Variants in CMAS observed in about 807,000 individuals in gnomAD.
The protein encoded by CMAS is cytidine monophosphate N-acetylneuraminic acid synthetase.
Under a neutral mutation model 53.4 loss-of-function variants are expected in CMAS, and 21 were observed. The ratio of observed to expected loss-of-function variants is 0.39; its 90% CI spans 0.28 to 0.57. The LOEUF (loss-of-function observed/expected upper bound fraction) is 0.57. CMAS is among the 20% of genes least tolerant of loss of function. The pLI is 0.56. For synonymous variants in CMAS, 189 were observed against 195.2 expected (o/e 0.97, Z 0.27); for missense variants, 384 against 534.9 (o/e 0.72, Z 2.78).
chr12:22,058,325 T>TGAGGCAGGAGAATCGCTTG (rs1164734314), intron 3 of CMAS, among the ~76,000 whole-genome samples: 1 of 150,934 alleles, frequency 6.6e-6, no homozygotes, highest in Non-Finnish European at 1.5e-5. Context: ...CTTGGGAGGC[T>TGAGGCAGGAGAATCGCTTG]GAGGCAGGAG....
chr12:22,050,155 G>A (rs1474537221), intron 1 of CMAS, among the ~76,000 whole-genome samples: 5 of 152,176 alleles, frequency 3.3e-5, no homozygotes, highest in East Asian at 1.9e-4. Context: ...ACATAGCTAC[G>A]TCGTTTGTAC....
chr12:22,057,464 T>G (rs1002911549), intron 3 of CMAS, among the ~76,000 whole-genome samples: 61 of 152,176 alleles, frequency 4.0e-4, no homozygotes, highest in African/African-American at 1.4e-3. Context: ...GTATAATATG[T>G]TACATAAACA....
At chr12:22,052,226 T>C (rs1950242282) in intron 1 of CMAS, among the ~76,000 whole-genome samples, 1 of 152,216 alleles carries the variant, frequency 6.6e-6, no homozygotes, top group Non-Finnish European at 1.5e-5. Context: ...ATTACACCGC[T>C]ATATTGGCCT....
chr12:22,046,920 T>G (rs1271016767), intron 1 of CMAS, among the ~76,000 whole-genome samples: 1 of 152,192 alleles, frequency 6.6e-6, no homozygotes, highest in Non-Finnish European at 1.5e-5. Context: ...TGTGATAATA[T>G]GTGAACTTCT....
intron 4 of CMAS, among the ~76,000 whole-genome samples, chr12:22,059,142 A>G (rs921899447): frequency 8.2e-6 from 1 of 121,516 alleles, no homozygotes; most frequent in Non-Finnish European, 1.6e-5. Flanking sequence ...ATATATATAT[A>G]TATATATTTT....
At chr12:22,056,829 T>A (rs1299506372) in intron 3 of CMAS, among the ~76,000 whole-genome samples, 1 of 152,200 alleles carries the variant, frequency 6.6e-6, no homozygotes, top group Non-Finnish European at 1.5e-5. Context: ...ATGCAAAGCT[T>A]GATCTTTCTT....
At chr12:22,048,398 C>G (rs1481059679) in intron 1 of CMAS, among the ~76,000 whole-genome samples, 1 of 152,084 alleles carries the variant, frequency 6.6e-6, no homozygotes, top group Non-Finnish European at 1.5e-5. Context: ...TCTCAGGGTA[C>G]CTAATGACTT....
At chr12:22,052,593 T>C (rs1216623145) in intron 1 of CMAS, among the ~76,000 whole-genome samples, 1 of 152,260 alleles carries the variant, frequency 6.6e-6, no homozygotes, top group African/African-American at 2.4e-5. Context: ...TTATTTTTTA[T>C]TGTATTCTAA....
intron 1 of CMAS, among the ~76,000 whole-genome samples, chr12:22,052,666 C>T (rs1209853738): frequency 6.6e-6 from 1 of 152,128 alleles, no homozygotes; most frequent in Non-Finnish European, 1.5e-5. Context: ...TGCTACTTTA[C>T]TTTGTTATAT....
intron 4 of CMAS, among the ~76,000 whole-genome samples, chr12:22,059,331 TA>T (rs1241498963): frequency 2.6e-5 from 4 of 151,988 alleles, no homozygotes; most frequent in Non-Finnish European, 5.9e-5. Context: ...TTATCATTAT[TA>T]TTTATTATTT....
At chr12:22,063,712 A>C (rs1360196163) in intron 7 of CMAS, 1 of 138,224 alleles carries the variant, frequency 7.2e-6, no homozygotes, top group African/African-American at 3.0e-5. Context: ...AATACGTATT[A>C]CTTATATGAC....
At chr12:22,049,336 C>G (rs1055199386) in intron 1 of CMAS, among the ~76,000 whole-genome samples, 2 of 152,194 alleles carry the variant, frequency 1.3e-5, no homozygotes, top group Non-Finnish European at 2.9e-5. Context: ...GGAATAGATT[C>G]TGTTGGTCAG....
chr12:22,058,466 G>T (rs1447808570), intron 3 of CMAS, 101 bp from the exon 4 acceptor site: 2 of 975,966 alleles, frequency 2.0e-6, no homozygotes, highest in Non-Finnish European at 3.0e-6. Flanking sequence ...ATAAAGAAAT[G>T]CTCTGCATTC....
intron 6 of CMAS, among the ~76,000 whole-genome samples, chr12:22,061,833 ATAACT>A (rs1175990091): frequency 1.3e-5 from 2 of 152,290 alleles, no homozygotes; most frequent in Non-Finnish European, 2.9e-5. Flanking sequence ...TTGATTCAAA[ATAACT>A]TAACGTTTAA....
rs112632913 is a variant in CMAS at position 22,052,604 on chromosome 12, T to G, written c.261-2545T>G. ...CTGTTTATTTTTTATTGTATTCTAATTTCATCTTATCCTCTCGTCATCTCT... is the reference window on the plus strand; with the variant it reads ...CTGTTTATTTTTTATTGTATTCTAAGTTCATCTTATCCTCTCGTCATCTCT... On this transcript the variant is annotated intron_variant, in intron 1 of 7. Coordinates refer to ENST00000229329, the MANE Select transcript of CMAS (RefSeq NM_018686.6). Among the ~76,000 whole-genome samples, 307 of 152,340 alleles carry G rather than the reference T, an allele frequency of 2.0e-3. 1 individual carries two copies. Among genetic ancestry groups the G allele is most frequent in the African/African-American group, 6.3e-3 (263 of 41,576 alleles).
chr12:22,055,754 T>C (rs1950264008), intron 3 of CMAS, 144 bp downstream of exon 3: 4 of 667,070 alleles, frequency 6.0e-6, no homozygotes, highest in Non-Finnish European at 9.9e-6. Flanking sequence ...TAATGACATT[T>C]ACAATCAGCT....
chr12:22,052,671 T>C (rs1476178508), intron 1 of CMAS, among the ~76,000 whole-genome samples: 1 of 152,218 alleles, frequency 6.6e-6, no homozygotes, highest in African/African-American at 2.4e-5. Flanking sequence ...CTTTACTTTG[T>C]TATATACCTT....
chr12:22,057,226 TACACACACACACATACACACAC>T (rs1267598926), intron 3 of CMAS, among the ~76,000 whole-genome samples: 20 of 133,852 alleles, frequency 1.5e-4, no homozygotes, highest in Admixed American at 4.5e-4. Flanking sequence ...AACCAGCTAT[TACACACACACACATACACACAC>T]ACACACACAC....
In CMAS at chr12:22,046,571, T is replaced by C; in HGVS notation, c.260+8T>C. ...TTCAGGGGCCTTCCAGAGGTGCGCA[T>C]GTGCGAGAGTGGGCGGCGCGGCCTG... is the stretch of plus-strand genomic sequence containing the variant. On this transcript the variant is annotated splice_region_variant and intron_variant, in intron 1 of 7. Transcript: ENST00000229329. 5.2e-6 allele frequency: 8 copies of C among 1,536,916 alleles called. No individual in the cohort carries two copies. The highest frequency in any genetic ancestry group is 7.0e-6 in the Non-Finnish European group (8 of 1,141,254).
Sources: allele counts gnomAD v4.1 joint callset (sites outside exome capture counted in the v4.1 genomes callset), GRCh38; gene constraint gnomAD v4.1.1; transcripts MANE v1.5; gene names NCBI Gene and HGNC (gene_info 2026-07-23, HGNC 2026-07-21).